The following ZC3H12B variants were observed in gnomAD, a reference collection of about 807,000 sequenced individuals.
ZC3H12B encodes the protein probable ribonuclease ZC3H12B.
A neutral mutation model predicts 43.9 loss-of-function variants in ZC3H12B; 7 were observed. That is an observed-to-expected ratio of 0.16 (90% confidence interval 0.09 to 0.30). The LOEUF is 0.30. Ranked by LOEUF, ZC3H12B falls within the 10% of genes least tolerant of loss-of-function variation. The pLI is 1.00. For missense variants in ZC3H12B, 475 were observed against 670.2 expected, an observed-to-expected ratio of 0.71 and a Z score of 3.22; for synonymous variants, 222 against 241.7, an observed-to-expected ratio of 0.92 and a Z score of 0.76.
chrX:65,081,156 A>G, the ZC3H12B span, among the ~76,000 whole-genome samples: 136 of 110,714 alleles, frequency 1.2e-3, 1 homozygote, highest in African/African-American at 4.4e-3. Flanking sequence ...AATAAAATAA[A>G]ATAAATTATA....
the ZC3H12B span, among the ~76,000 whole-genome samples, chrX:65,178,719 T>G: frequency 1.8e-5 from 2 of 112,360 alleles, no homozygotes; most frequent in African/African-American, 3.2e-5. Context: ...AGATACAATC[T>G]CATGCCAGTT....
At chrX:65,144,346 A>G in the ZC3H12B span, among the ~76,000 whole-genome samples, 1 of 111,692 alleles carries the variant, frequency 9.0e-6, no homozygotes, top group Middle Eastern at 4.7e-3. Context: ...TATTGAGCTT[A>G]TTTCAATTTT....
At chrX:65,104,785 A>T in the ZC3H12B span, among the ~76,000 whole-genome samples, 3 of 111,891 alleles carry the variant, frequency 2.7e-5, no homozygotes, top group East Asian at 5.7e-4. Flanking sequence ...GAGAAATAGG[A>T]ATGGTTGTAC....
chrX:65,507,611 T>C (rs946978967), exon 5 of ZC3H12B: 1 of 112,196 alleles, frequency 8.9e-6, no homozygotes, highest in Non-Finnish European at 1.9e-5. Context: ...ATAAAATCTC[T>C]TTGGGTTTTT....
chrX:65,303,586 T>A, the ZC3H12B span, among the ~76,000 whole-genome samples: 117 of 111,954 alleles, frequency 1.0e-3, no homozygotes, highest in Non-Finnish European at 2.0e-3. Flanking sequence ...AAACTTAATG[T>A]TGGAAGACTG....
At chrX:65,225,336 TA>T in the ZC3H12B span, among the ~76,000 whole-genome samples, 1 of 112,074 alleles carries the variant, frequency 8.9e-6, no homozygotes, top group African/African-American at 3.2e-5. Flanking sequence ...AAAGGAAAAC[TA>T]ACAAACAGAA....
exon 5 of ZC3H12B, chrX:65,505,205 C>CGTT (rs1319398494): frequency 4.5e-5 from 5 of 112,326 alleles, no homozygotes; most frequent in African/African-American, 1.6e-4. Flanking sequence ...CTTCTATGAT[C>CGTT]GTTTTTTCAT....
chrX:65,140,350 G>C, the ZC3H12B span, among the ~76,000 whole-genome samples: 2 of 111,217 alleles, frequency 1.8e-5, no homozygotes, highest in Non-Finnish European at 3.8e-5. Flanking sequence ...CTATTTAGAT[G>C]ATCAACTGGT....
At chrX:65,055,344 CAT>C in the ZC3H12B span, among the ~76,000 whole-genome samples, 7 of 111,815 alleles carry the variant, frequency 6.3e-5, no homozygotes, top group East Asian at 2.8e-4. Context: ...TCGAGATAAT[CAT>C]GTGGTTTTTG....
the ZC3H12B span, among the ~76,000 whole-genome samples, chrX:65,149,370 A>G: frequency 1.8e-5 from 2 of 112,090 alleles, no homozygotes; most frequent in Non-Finnish European, 3.8e-5. Context: ...GTTATATAAA[A>G]ATGTGAATAA....
intron 3 of ZC3H12B, among the ~76,000 whole-genome samples, chrX:65,419,435 C>T (rs2066994351): frequency 8.9e-6 from 1 of 111,772 alleles, no homozygotes; most frequent in South Asian, 3.8e-4. Context: ...TAGGACACTT[C>T]AGTGATTGTT....
At chrX:65,192,243 G>A in the ZC3H12B span, among the ~76,000 whole-genome samples, 1 of 110,982 alleles carries the variant, frequency 9.0e-6, no homozygotes, top group South Asian at 3.8e-4. Flanking sequence ...TTTTGGAATA[G>A]GTGTGGTGTG....
chrX:65,280,156 A>G, the ZC3H12B span, among the ~76,000 whole-genome samples: 2 of 112,310 alleles, frequency 1.8e-5, no homozygotes, highest in Admixed American at 1.9e-4. Flanking sequence ...AATCCTCAAA[A>G]TATTACTATG....
At chrX:65,121,594 A>G in the ZC3H12B span, among the ~76,000 whole-genome samples, 1 of 111,256 alleles carries the variant, frequency 9.0e-6, no homozygotes, top group Non-Finnish European at 1.9e-5. Context: ...ATCTTTTCAA[A>G]AAACCAGCTC....
the ZC3H12B span, among the ~76,000 whole-genome samples, chrX:65,166,840 C>A: frequency 8.9e-6 from 1 of 111,966 alleles, no homozygotes; most frequent in Admixed American, 9.5e-5. Context: ...TAAAGGTCTT[C>A]TTTTGAGAAG....
the ZC3H12B span, among the ~76,000 whole-genome samples, chrX:65,246,142 T>A: frequency 9.0e-6 from 1 of 111,334 alleles, no homozygotes; most frequent in East Asian, 2.8e-4. Context: ...ATCCAAATCA[T>A]GAATGAACTT....
the ZC3H12B span, among the ~76,000 whole-genome samples, chrX:65,241,522 T>G: frequency 8.9e-6 from 1 of 111,911 alleles, no homozygotes; most frequent in African/African-American, 3.2e-5. Flanking sequence ...TTGCTGAAAT[T>G]CCCACAGGGA....
At chrX:65,122,954 C>A in the ZC3H12B span, among the ~76,000 whole-genome samples, 1 of 111,975 alleles carries the variant, frequency 8.9e-6, no homozygotes, top group African/African-American at 3.2e-5. Flanking sequence ...TAACACCCAA[C>A]TGTCAACATT....
At chrX:65,434,560 T>C (rs777189228) in intron 3 of ZC3H12B, among the ~76,000 whole-genome samples, 1 of 112,590 alleles carries the variant, frequency 8.9e-6, no homozygotes, top group Admixed American at 9.4e-5. Context: ...GATCTAACTT[T>C]ATGTTCCTTC....
Sources: allele counts gnomAD v4.1 joint callset (sites outside exome capture counted in the v4.1 genomes callset), GRCh38; gene constraint gnomAD v4.1.1; transcripts MANE v1.5; gene names NCBI Gene and HGNC (gene_info 2026-07-23, HGNC 2026-07-21).